REDIC1: variants seen among roughly 807,000 people sequenced by gnomAD.
REDIC1 encodes the protein HEI10 Interacting Protein 1.
chr12:39,886,358 G>A, the REDIC1 span, among the ~76,000 whole-genome samples: 1 of 152,106 alleles, frequency 6.6e-6, no homozygotes, highest in South Asian at 2.1e-4. Context: ...CATACATGCA[G>A]CACTAAAACA....
the REDIC1 span, among the ~76,000 whole-genome samples, chr12:39,685,153 CTTGAGGACA>C: frequency 6.6e-6 from 1 of 152,066 alleles, no homozygotes; most frequent in East Asian, 1.9e-4. Flanking sequence ...GAGACAAAAT[CTTGAGGACA>C]TTTTAAACAC....
At chr12:39,896,437 C>T in the REDIC1 span, among the ~76,000 whole-genome samples, 20 of 122,904 alleles carry the variant, frequency 1.6e-4, no homozygotes, top group African/African-American at 5.6e-4. Flanking sequence ...TATATGTATA[C>T]ATATATGTAT....
chr12:39,664,642 A>T, the REDIC1 span, among the ~76,000 whole-genome samples: 2 of 152,212 alleles, frequency 1.3e-5, no homozygotes, highest in African/African-American at 2.4e-5. Flanking sequence ...ATCCCTGAGG[A>T]ATCACCACAC....
At chr12:39,790,480 T>C in the REDIC1 span, among the ~76,000 whole-genome samples, 1 of 151,058 alleles carries the variant, frequency 6.6e-6, no homozygotes, top group Non-Finnish European at 1.5e-5. Context: ...TTTGGTTTTT[T>C]GTTCTTGTGA....
At chr12:39,760,112 A>C in the REDIC1 span, 1 of 1,612,944 alleles carries the variant, frequency 6.2e-7, no homozygotes, top group East Asian at 2.2e-5. Flanking sequence ...CCTTCATCAG[A>C]ATCTGAAGTG....
chr12:39,827,995 T>C, the REDIC1 span, among the ~76,000 whole-genome samples: 1 of 152,188 alleles, frequency 6.6e-6, no homozygotes, highest in Non-Finnish European at 1.5e-5. Context: ...TCCAAGGTCA[T>C]GGTTGACTTT....
the REDIC1 span, among the ~76,000 whole-genome samples, chr12:39,648,658 A>G: frequency 1.3e-5 from 2 of 151,398 alleles, no homozygotes; most frequent in East Asian, 1.9e-4. Context: ...GCTTATACAA[A>G]CACTATGTCT....
chr12:39,748,927 G>C, the REDIC1 span, among the ~76,000 whole-genome samples: 1 of 152,122 alleles, frequency 6.6e-6, no homozygotes. Flanking sequence ...GCAGTGTGTA[G>C]AGGGAAATTT....
At chr12:39,779,731 G>A in the REDIC1 span, among the ~76,000 whole-genome samples, 1 of 152,202 alleles carries the variant, frequency 6.6e-6, no homozygotes, top group Non-Finnish European at 1.5e-5. Flanking sequence ...GACTGTCTGT[G>A]ATGGTAAAAG....
At chr12:39,830,442 G>A in the REDIC1 span, 12 of 1,271,482 alleles carry the variant, frequency 9.4e-6, no homozygotes, top group Non-Finnish European at 1.2e-5. Context: ...AGCAACTTTG[G>A]AAGTCACTTT....
the REDIC1 span, among the ~76,000 whole-genome samples, chr12:39,900,106 T>A: frequency 6.6e-6 from 1 of 152,118 alleles, no homozygotes; most frequent in African/African-American, 2.4e-5. Flanking sequence ...ATTATCTCAA[T>A]AGAGGCAGAA....
At chr12:39,636,624 A>C in the REDIC1 span, among the ~76,000 whole-genome samples, 1 of 151,984 alleles carries the variant, frequency 6.6e-6, no homozygotes, top group African/African-American at 2.4e-5. Context: ...ATTTTCTTTA[A>C]ATTTTCCACT....
the REDIC1 span, among the ~76,000 whole-genome samples, chr12:39,812,996 A>ATTT: frequency 1.1e-3 from 44 of 40,614 alleles, 14 homozygotes; most frequent in South Asian, 0.021. Context: ...TGCCCAGCTA[A>ATTT]TTTTTTTTTT....
chr12:39,713,580 A>G, the REDIC1 span, among the ~76,000 whole-genome samples: 2 of 150,282 alleles, frequency 1.3e-5, no homozygotes, highest in East Asian at 2.0e-4. Context: ...GTACATATGT[A>G]TACACATGTA....
the REDIC1 span, among the ~76,000 whole-genome samples, chr12:39,895,685 CAT>C: frequency 8.8e-4 from 52 of 58,980 alleles, 15 homozygotes; most frequent in Non-Finnish European, 2.0e-3. Flanking sequence ...TACGTACACA[CAT>C]ATGTATATGC....
chr12:39,797,697 A>G, the REDIC1 span, among the ~76,000 whole-genome samples: 1 of 151,600 alleles, frequency 6.6e-6, no homozygotes, highest in African/African-American at 2.4e-5. Context: ...TGAAAAGCTA[A>G]TGGATACATG....
chr12:39,676,028 T>C, the REDIC1 span, among the ~76,000 whole-genome samples: 242 of 152,144 alleles, frequency 1.6e-3, 2 homozygotes, highest in African/African-American at 5.4e-3. Context: ...TCTGGTACTA[T>C]GACAAAACAA....
At chr12:39,885,538 A>C in the REDIC1 span, among the ~76,000 whole-genome samples, 2 of 152,128 alleles carry the variant, frequency 1.3e-5, no homozygotes, top group African/African-American at 2.4e-5. Flanking sequence ...ACCAATAACT[A>C]TGAGTTCCAA....
the REDIC1 span, among the ~76,000 whole-genome samples, chr12:39,747,303 A>G: frequency 1.3e-5 from 2 of 152,266 alleles, no homozygotes; most frequent in African/African-American, 4.8e-5. Context: ...AGCCAATTTG[A>G]TCAACTGGAA....
Sources: allele counts gnomAD v4.1 joint callset (sites outside exome capture counted in the v4.1 genomes callset), GRCh38; gene constraint gnomAD v4.1.1; transcripts MANE v1.5; gene names NCBI Gene and HGNC (gene_info 2026-07-23, HGNC 2026-07-21).